Variants in RFX3 observed in about 807,000 individuals in gnomAD.
RFX3 encodes the protein regulatory factor X3.
In RFX3, 14 loss-of-function variants were observed where a neutral mutation model predicts 98.6. The ratio of observed to expected loss-of-function variants is 0.14; its 90% confidence interval spans 0.09 to 0.22. The LOEUF is 0.22. Among genes scored for constraint, RFX3 ranks in the 10% least tolerant of loss-of-function variants. The pLI, the probability that RFX3 is intolerant of heterozygous loss-of-function variation, is 1.00. For synonymous variants in RFX3, 383 were observed against 328.4 expected (o/e 1.17, Z -1.80); for missense variants, 639 against 926.9 (o/e 0.69, Z 4.03).
intron 4 of RFX3, 132 bp downstream of exon 4, chr9:3,330,127 T>C: frequency 1.1e-6 from 1 of 883,396 alleles, no homozygotes; most frequent in Non-Finnish European, 1.7e-6. Context: ...TTCTGCAAAC[T>C]CTCAATACTA....
intron 4 of RFX3, among the ~76,000 whole-genome samples, chr9:3,308,926 A>G (rs1467822740): frequency 6.6e-6 from 1 of 152,152 alleles, no homozygotes. Context: ...CTTGAAAGAC[A>G]CAATCCCAGG....
intron 1 of RFX3, among the ~76,000 whole-genome samples, chr9:3,425,702 A>G (rs1587632353): frequency 6.6e-6 from 1 of 152,110 alleles, no homozygotes; most frequent in Non-Finnish European, 1.5e-5. Flanking sequence ...AAAATGGAAA[A>G]TTTTCAACAA....
chr9:3,427,440 ATT>A (rs1318334306), intron 1 of RFX3, among the ~76,000 whole-genome samples: 1 of 143,864 alleles, frequency 7.0e-6, no homozygotes, highest in Non-Finnish European at 1.5e-5. Flanking sequence ...ATAAATATAT[ATT>A]GTTATATAAT....
chr9:3,386,043 G>A (rs557738945), intron 2 of RFX3, among the ~76,000 whole-genome samples: 1 of 152,174 alleles, frequency 6.6e-6, no homozygotes, highest in East Asian at 1.9e-4. Flanking sequence ...CTGCAGATCA[G>A]AGGAAGTTGG....
intron 1 of RFX3, among the ~76,000 whole-genome samples, chr9:3,420,538 C>T (rs1232333732): frequency 2.6e-5 from 4 of 152,096 alleles, no homozygotes; most frequent in Non-Finnish European, 4.4e-5. Flanking sequence ...CATGAAGAAA[C>T]TGAAAAAGGT....
rs182863703 is a variant in RFX3, at chr9:3,508,344, T to C, written c.-9+17403A>G. Among the ~76,000 whole-genome samples, 6 of 152,062 alleles carry C rather than the reference T, an allele frequency of 3.9e-5. No homozygotes were observed. The East Asian group carries it at 9.6e-4, about 24-fold the overall frequency. On this transcript the variant is annotated intron_variant, in intron 1 of 16. Transcript: ENST00000617270. ...TTCATTTGAATTACACTTTCAATAT[T>C]TGTATTTTCCATTCTAATTTATGAG...
chr9:3,225,746 A>G (rs1400337489), intron 16 of RFX3, among the ~76,000 whole-genome samples: 1 of 152,170 alleles, frequency 6.6e-6, no homozygotes, highest in Non-Finnish European at 1.5e-5. Context: ...TATAAGACCT[A>G]TGTTGATTCT....
At chr9:3,462,299 C>A (rs556355437) in intron 1 of RFX3, among the ~76,000 whole-genome samples, 12 of 152,096 alleles carry the variant, frequency 7.9e-5, no homozygotes, top group African/African-American at 2.6e-4. Flanking sequence ...GGATATTTCA[C>A]CAGATTAACA....
chr9:3,369,850 C>G (rs757159592), intron 2 of RFX3, among the ~76,000 whole-genome samples: 6 of 152,010 alleles, frequency 3.9e-5, no homozygotes, highest in Non-Finnish European at 7.4e-5. Context: ...GTTTGTTTGA[C>G]ACGGAGTCTT....
At chr9:3,414,734 ATG>A in intron 1 of RFX3, among the ~76,000 whole-genome samples, 1 of 127,452 alleles carries the variant, frequency 7.8e-6, no homozygotes, top group Non-Finnish European at 1.7e-5. Flanking sequence ...ATGAGTATAT[ATG>A]TATATATGAG....
intron 11 of RFX3, among the ~76,000 whole-genome samples, chr9:3,268,495 A>T (rs1238509668): frequency 6.6e-6 from 1 of 151,604 alleles, no homozygotes; most frequent in African/African-American, 2.4e-5. Context: ...AGCTATCTAA[A>T]TTGTATTTTA....
At chr9:3,226,266 C>A (rs528895923) in intron 16 of RFX3, among the ~76,000 whole-genome samples, 1 of 152,286 alleles carries the variant, frequency 6.6e-6, no homozygotes, top group Admixed American at 6.5e-5. Context: ...AAGCTGGATT[C>A]TTTGCAAGCA....
chr9:3,312,543 TC>T (rs1464878700), intron 4 of RFX3, among the ~76,000 whole-genome samples: 2 of 151,634 alleles, frequency 1.3e-5, no homozygotes, highest in East Asian at 3.9e-4. Flanking sequence ...ACTGAGAGAT[TC>T]GGGATAAACT....
rs768467673 is a variant in RFX3, at chr9:3,275,484, A to G, written c.1086+16T>C. ...AAAACCTAGCATGTGTTCATACTAC[A>G]TTTGAAAAGACTTACCTCACAGTGC... On this transcript the variant is annotated intron_variant, in intron 9 of 16. Transcript: ENST00000617270. 3.5e-6 allele frequency: 5 copies of G among 1,435,064 alleles called. No homozygotes were observed. The highest frequency in any genetic ancestry group is 3.9e-6 in the Non-Finnish European group (4 of 1,017,876). 88.9% of individuals were successfully genotyped at this position (1,435,064 alleles called of 1,614,324 possible).
chr9:3,371,339 C>G (rs1587370724), intron 2 of RFX3, among the ~76,000 whole-genome samples: 1 of 152,136 alleles, frequency 6.6e-6, no homozygotes, highest in South Asian at 2.1e-4. Flanking sequence ...ACAATTAATT[C>G]TTACTCTTTA....
chr9:3,419,162 T>C (rs988266717), intron 1 of RFX3, among the ~76,000 whole-genome samples: 5 of 152,228 alleles, frequency 3.3e-5, no homozygotes, highest in Admixed American at 1.3e-4. Flanking sequence ...ACAACATATA[T>C]GTGGAACACA....
intron 15 of RFX3, among the ~76,000 whole-genome samples, chr9:3,239,310 G>C (rs558631549): frequency 6.6e-6 from 1 of 152,202 alleles, no homozygotes; most frequent in Non-Finnish European, 1.5e-5. Flanking sequence ...ACTTTTCTTT[G>C]TATGTGTATG....
intron 4 of RFX3, among the ~76,000 whole-genome samples, chr9:3,318,870 T>C (rs1400928779): frequency 5.9e-5 from 9 of 152,204 alleles, no homozygotes; most frequent in African/African-American, 2.2e-4. Flanking sequence ...TTGGCTTATT[T>C]TGGGATGCTG....
At chr9:3,344,949 T>C in intron 3 of RFX3, 1 of 651,606 alleles carries the variant, frequency 1.5e-6, no homozygotes. Context: ...GGTATAGATT[T>C]AATACGGTAA....
Sources: gnomAD v4.1 joint callset for allele counts (sites outside exome capture counted in the v4.1 genomes callset) on GRCh38, gnomAD v4.1.1 for gene constraint, MANE v1.5 for transcripts, NCBI Gene and HGNC (gene_info 2026-07-23, HGNC 2026-07-21) for gene names.